Variants in CCDC82 observed in about 807,000 individuals in gnomAD.
CCDC82 encodes coiled-coil domain containing 82, also known as coiled-coil domain-containing protein 82.
A neutral mutation model predicts 60.6 loss-of-function variants in CCDC82; 47 were observed. The ratio of observed to expected loss-of-function variants is 0.77; its 90% CI spans 0.61 to 0.99. The LOEUF (loss-of-function observed/expected upper bound fraction) is 0.99, where lower values mean the gene tolerates loss of function less well. Ranked by LOEUF, CCDC82 falls within the 50% of genes least tolerant of loss-of-function variation. The pLI is 0.00. For synonymous variants in CCDC82, 212 were observed against 207.4 expected (o/e 1.02, Z -0.19); for missense variants, 588 against 633.0 (o/e 0.93, Z 0.76).
Position 96,386,154 on chromosome 11 carries a change from A to G in CCDC82, c.-15+100T>C, listed in dbSNP as rs547927906. On this transcript the variant is annotated intron_variant, in intron 3 of 9. Transcript: ENST00000646818. ...ATGAAATCCAACTTAAGAAGATGAG[A>G]ATTAACTACCATTAAAAATCTTCAA... 6.6e-5 allele frequency: 10 copies of G among 152,444 alleles called. No homozygotes were observed. In the East Asian group the frequency reaches 1.9e-3, roughly 29 times the overall value. The allele number at this position is 152,444 out of a possible 1,614,324, so 9.4% of individuals were successfully genotyped here.
chr11:96,360,359 A>G (rs571653374), intron 8 of CCDC82, among the ~76,000 whole-genome samples: 3 of 140,732 alleles, frequency 2.1e-5, no homozygotes, highest in Admixed American at 7.0e-5. Context: ...CACGCAGCTA[A>G]TTTTTTTTTT....
chr11:96,362,620 T>C (rs2136088964), intron 8 of CCDC82, among the ~76,000 whole-genome samples: 1 of 152,252 alleles, frequency 6.6e-6, no homozygotes, highest in East Asian at 1.9e-4. Flanking sequence ...ATCCAGGTAA[T>C]TTCCTTCTCA....
At chr11:96,388,751 G>A (rs1348093380) in intron 1 of CCDC82, 1 of 152,194 alleles carries the variant, frequency 6.6e-6, no homozygotes, top group African/African-American at 2.4e-5. Flanking sequence ...AAAGGCAGTG[G>A]AACCCCAGGT....
At chr11:96,370,336 G>C (rs564504765) in intron 7 of CCDC82, among the ~76,000 whole-genome samples, 1 of 152,028 alleles carries the variant, frequency 6.6e-6, no homozygotes, top group African/African-American at 2.4e-5. Flanking sequence ...AAATCATATA[G>C]TACATCCTCT....
chr11:96,367,340 CAATCCTCT>C (rs1865001996), intron 7 of CCDC82, among the ~76,000 whole-genome samples: 1 of 152,180 alleles, frequency 6.6e-6, no homozygotes, highest in South Asian at 2.1e-4. Flanking sequence ...AAATTGGAGT[CAATCCTCT>C]CAAACCCTGA....
chr11:96,374,155 A>C (rs1343786354), intron 5 of CCDC82, among the ~76,000 whole-genome samples: 2 of 152,196 alleles, frequency 1.3e-5, no homozygotes, highest in African/African-American at 4.8e-5. Context: ...TTCTCTATCA[A>C]CCACGACCCA....
chr11:96,360,212 T>A (rs1300275095), intron 8 of CCDC82, among the ~76,000 whole-genome samples: 1 of 148,132 alleles, frequency 6.8e-6, no homozygotes, highest in Non-Finnish European at 1.5e-5. Context: ...TTTTTGTTTT[T>A]TTTTTCCTGA....
chr11:96,370,844 T>C (rs564747118), intron 7 of CCDC82, among the ~76,000 whole-genome samples, 169 bp downstream of exon 7: 1 of 152,326 alleles, frequency 6.6e-6, no homozygotes, highest in South Asian at 2.1e-4. Flanking sequence ...ATATAGTTAA[T>C]GTGAAGGATT....
chr11:96,363,558 G>C (rs189059699), intron 8 of CCDC82: 9 of 152,142 alleles, frequency 5.9e-5, no homozygotes, highest in Admixed American at 5.9e-4. Flanking sequence ...TTTCAAACTA[G>C]CATTATTTTT....
chr11:96,368,286 TGAAAA>T (rs1865057747), intron 7 of CCDC82, among the ~76,000 whole-genome samples: 2 of 152,192 alleles, frequency 1.3e-5, no homozygotes, highest in Non-Finnish European at 2.9e-5. Flanking sequence ...AATAATATTT[TGAAAA>T]GAATCTTTTT....
chr11:96,365,102 C>T lies in CCDC82; in HGVS notation c.1258G>A (p.Glu420Lys), dbSNP rs1197777100. 6.2e-7 allele frequency: 1 copy of T among 1,603,550 alleles called. No individual in the cohort carries two copies. The highest frequency in any genetic ancestry group is 1.7e-5 in the Admixed American group (1 of 59,332). Reference sequence around the variant, plus strand: ...CCACAAGCCTGGCAGGAACAGTTTTCAGGATTCTTCAAATGAATACTTACA... The same window carrying T: ...CCACAAGCCTGGCAGGAACAGTTTTTAGGATTCTTCAAATGAATACTTACA... ...SNVSIHLKNP[E>K]NCSCQACGLH... The change falls in exon 8 of 10, where the codon GAA becomes AAA. Residue 420 changes from glutamate to lysine, a missense_variant. By Grantham distance (56) the Glu-to-Lys change is moderately conservative. Coordinates refer to ENST00000646818, the MANE Select transcript of CCDC82 (RefSeq NM_024725.4).
Position 96,384,681 on chromosome 11 carries a change from G to T in CCDC82, c.67C>A (p.Arg23=). The T allele has an allele frequency of 6.2e-7, 1 of 1,613,010 alleles. No individual in the cohort carries two copies. Among genetic ancestry groups the T allele is most frequent in the Non-Finnish European group, 8.5e-7 (1 of 1,179,530 alleles). The change falls in exon 4 of 10, where the codon CGA becomes AGA. Residue 23 remains arginine (R), a synonymous_variant. Transcript: ENST00000646818. ...SKSHVPEQKS[R]VDWRRTKRSS... is the part of the protein sequence containing the mutation. ...CTTTTAGTTCGCCTCCAATCAACTC[G>T]AGATTTCTGCTCAGGCACGTGACTC...
At chr11:96,365,294 A>G in intron 7 of CCDC82, 144 bp from the exon 8 acceptor site, 1 of 465,698 alleles carries the variant, frequency 2.1e-6, no homozygotes, top group Non-Finnish European at 3.8e-6. Context: ...TTTAATACTG[A>G]GCACATAGTA....
chr11:96,373,430 A>G lies in CCDC82; in HGVS notation c.1029T>C (p.Val343=). 6.2e-7 allele frequency: 1 copy of G among 1,610,042 alleles called. No individual in the cohort carries two copies. Among genetic ancestry groups the G allele is most frequent in the African/African-American group, 1.3e-5 (1 of 74,882 alleles). ...AAGCGTTGATCAGAAGAGCCTTCAC[A>G]ACTCTTTCAAAATGAGTATAGTGGT... ...FSDHYTHFER[V]VKALLINALD... is the part of the protein sequence containing the mutation. The change falls in exon 6 of 10, where the codon GTT becomes GTC. Residue 343 remains valine, a synonymous_variant. Coordinates refer to ENST00000646818, the MANE Select transcript of CCDC82 (RefSeq NM_024725.4).
At chr11:96,385,695 T>C (rs1866153651) in intron 3 of CCDC82, 2 of 152,094 alleles carry the variant, frequency 1.3e-5, no homozygotes, top group Admixed American at 1.3e-4. Flanking sequence ...AAGCAGAGCA[T>C]AGTATTGGGA....
At chr11:96,383,083 T>C (rs1467803978) in intron 5 of CCDC82, 186 bp downstream of exon 5, 1 of 559,472 alleles carries the variant, frequency 1.8e-6, no homozygotes, top group Non-Finnish European at 3.1e-6. Context: ...TTGGGGTTAA[T>C]AATTTTGAAA....
chr11:96,357,660 C>T, intron 9 of CCDC82: 2 of 984,480 alleles, frequency 2.0e-6, no homozygotes, highest in Non-Finnish European at 2.4e-6. Flanking sequence ...TTTTTCTATA[C>T]CTAGTATCTA....
chr11:96,359,642 TAAAAAAAAAAAAAA>T (rs139619843), intron 8 of CCDC82, among the ~76,000 whole-genome samples: 3 of 81,390 alleles, frequency 3.7e-5, no homozygotes, highest in African/African-American at 1.4e-4. Context: ...ATGGGCAAAG[TAAAAAAAAAAAAAA>T]AAAAAAAAAG....
In CCDC82 at chr11:96,389,892, A is replaced by C. The variant is rs527390782; in HGVS notation, c.-187T>G. On this transcript the variant is annotated 5_prime_UTR_variant, in exon 1 of 10. Transcript: ENST00000646818. The stretch of plus-strand genomic sequence containing the variant: ...CCTCCGCCTCCGCCCCTGCCCCGGC[A>C]ACCAGCTCAGGACAAGCGATGCTCC... 6.5e-6 allele frequency: 1 copy of C among 153,186 alleles called. No homozygotes were observed. Among genetic ancestry groups the C allele is most frequent in the Admixed American group, 6.5e-5 (1 of 15,298 alleles). 9.5% of individuals were successfully genotyped at this position (153,186 alleles called of 1,614,324 possible).
Sources: gnomAD v4.1 joint callset for allele counts (sites outside exome capture counted in the v4.1 genomes callset) on GRCh38, gnomAD v4.1.1 for gene constraint, MANE v1.5 for transcripts, NCBI Gene and HGNC (gene_info 2026-07-23, HGNC 2026-07-21) for gene names.